The following KIF26B variants were observed in gnomAD, a reference collection of about 807,000 sequenced individuals.
The protein encoded by KIF26B is kinesin-like protein KIF26B.
KIF26B carries 63 observed loss-of-function variants against 151.2 expected under a neutral mutation model. That is an observed-to-expected ratio of 0.42 (90% CI 0.34 to 0.51). KIF26B has a LOEUF of 0.51. Ranked by LOEUF, KIF26B falls within the 20% of genes least tolerant of loss-of-function variation. KIF26B has a pLI of 0.07. For missense variants in KIF26B, 2,813 were observed against 2,913.6 expected (o/e 0.97, Z 0.79); for synonymous variants, 1,357 against 1,262.1 (o/e 1.08, Z -1.59).
chr1:245,232,620 A>G (rs982602159), intron 2 of KIF26B, among the ~76,000 whole-genome samples: 4 of 147,166 alleles, frequency 2.7e-5, no homozygotes, highest in African/African-American at 1.0e-4. Flanking sequence ...GTGCGATCTC[A>G]GCTCACCGCA....
intron 2 of KIF26B, among the ~76,000 whole-genome samples, chr1:245,181,433 C>G (rs1668904756): frequency 6.6e-6 from 1 of 151,064 alleles, no homozygotes; most frequent in Non-Finnish European, 1.5e-5. Flanking sequence ...GCCAATGCCT[C>G]TTGATCTCAT....
intron 14 of KIF26B, 107 bp downstream of exon 14, chr1:245,699,144 A>T: frequency 8.3e-7 from 1 of 1,206,300 alleles, no homozygotes; most frequent in South Asian, 1.4e-5. Context: ...CCTCGTCCTC[A>T]GTCACAGGAT....
At chr1:245,558,963 A>G (rs1662102170) in intron 5 of KIF26B, among the ~76,000 whole-genome samples, 1 of 152,338 alleles carries the variant, frequency 6.6e-6, no homozygotes, top group South Asian at 2.1e-4. Flanking sequence ...CTTGTCAGTT[A>G]TGTAAGAAAA....
chr1:245,163,175 T>G (rs1331035350), intron 2 of KIF26B, among the ~76,000 whole-genome samples: 2 of 152,182 alleles, frequency 1.3e-5, no homozygotes, highest in Non-Finnish European at 2.9e-5. Flanking sequence ...ATGTTCTCAC[T>G]CTGTTGTCCA....
intron 2 of KIF26B, among the ~76,000 whole-genome samples, chr1:245,173,463 T>TGAG (rs1668747944): frequency 6.6e-6 from 1 of 152,120 alleles, no homozygotes; most frequent in African/African-American, 2.4e-5. Flanking sequence ...TGACGGCTCA[T>TGAG]GAGGGTAATC....
chr1:245,333,654 A>T (rs908408623), intron 2 of KIF26B, among the ~76,000 whole-genome samples: 1 of 152,092 alleles, frequency 6.6e-6, no homozygotes, highest in African/African-American at 2.4e-5. Flanking sequence ...GTAACTCTCC[A>T]TTTTTTATCT....
intron 3 of KIF26B, among the ~76,000 whole-genome samples, chr1:245,398,545 A>G (rs1572042080): frequency 6.6e-6 from 1 of 152,012 alleles, no homozygotes; most frequent in East Asian, 1.9e-4. Context: ...TCTATGGGGA[A>G]GTCAAGCAGA....
intron 3 of KIF26B, among the ~76,000 whole-genome samples, chr1:245,381,374 T>C (rs1217253450): frequency 6.6e-6 from 1 of 152,178 alleles, no homozygotes. Context: ...AAGTGTACAG[T>C]TCATCAAGCT....
intron 2 of KIF26B, among the ~76,000 whole-genome samples, chr1:245,324,963 C>T (rs1238129251): frequency 1.3e-5 from 2 of 151,758 alleles, no homozygotes; most frequent in African/African-American, 4.8e-5. Context: ...GGTGTGGTGG[C>T]ATGCACCTGT....
chr1:245,607,047 C>T (rs927971813), intron 6 of KIF26B, among the ~76,000 whole-genome samples: 6 of 115,754 alleles, frequency 5.2e-5, no homozygotes, highest in East Asian at 2.6e-4. Flanking sequence ...GCCTGGGCAA[C>T]GAGACTGAAA....
At chr1:245,303,832 T>C (rs2102978996) in intron 2 of KIF26B, among the ~76,000 whole-genome samples, 1 of 152,346 alleles carries the variant, frequency 6.6e-6, no homozygotes, top group African/African-American at 2.4e-5. Flanking sequence ...ACACAATTAT[T>C]ACTGGCTCTT....
chr1:245,539,727 A>T (rs1017451049), intron 4 of KIF26B, among the ~76,000 whole-genome samples: 3 of 152,188 alleles, frequency 2.0e-5, no homozygotes, highest in African/African-American at 7.2e-5. Context: ...ATCTGGGCTC[A>T]CTGCAACCTC....
At chr1:245,482,288 C>T (rs1394532021) in intron 4 of KIF26B, among the ~76,000 whole-genome samples, 1 of 151,340 alleles carries the variant, frequency 6.6e-6, no homozygotes, top group Non-Finnish European at 1.5e-5. Flanking sequence ...CGGGGTTTCA[C>T]CATATTGTCC....
chr1:245,633,276 G>A (rs2043800670), intron 9 of KIF26B, among the ~76,000 whole-genome samples: 1 of 132,208 alleles, frequency 7.6e-6, no homozygotes, highest in Non-Finnish European at 1.7e-5. Flanking sequence ...GCATACAGTT[G>A]GGTCTTTTTT....
intron 4 of KIF26B, among the ~76,000 whole-genome samples, chr1:245,501,755 A>G (rs191457626): frequency 1.3e-5 from 2 of 152,332 alleles, no homozygotes; most frequent in African/African-American, 4.8e-5. Flanking sequence ...AGCAGTCTGA[A>G]ATAATTCTAT....
intron 5 of KIF26B, among the ~76,000 whole-genome samples, chr1:245,562,318 G>A (rs2042964451): frequency 6.6e-6 from 1 of 152,018 alleles, no homozygotes; most frequent in Non-Finnish European, 1.5e-5. Context: ...TAACCTAGTG[G>A]CCCAAATCGC....
In KIF26B at chr1:245,249,367, G is replaced by A. The variant is rs146303904; in HGVS notation, c.465+92684G>A. ...GCCCGCCTTGGCTTCCCAAAGTGCT[G>A]GGATTACAAGTGTGAGGCACCGCGC... On this transcript the variant is annotated intron_variant, in intron 2 of 14. Transcript: ENST00000407071. 3.2e-3 allele frequency among the ~76,000 whole-genome samples: 485 copies of A among 152,226 alleles called. 3 individuals carry two copies. Among genetic ancestry groups the A allele is most frequent in the African/African-American group, 0.011 (466 of 41,530 alleles).
intron 5 of KIF26B, among the ~76,000 whole-genome samples, chr1:245,567,549 T>C (rs2043021492): frequency 6.6e-6 from 1 of 152,034 alleles, no homozygotes; most frequent in Non-Finnish European, 1.5e-5. Context: ...CCATCAAATG[T>C]TGGCATTTTA....
intron 4 of KIF26B, among the ~76,000 whole-genome samples, chr1:245,421,422 G>A (rs1356944216): frequency 6.6e-6 from 1 of 152,116 alleles, no homozygotes; most frequent in African/African-American, 2.4e-5. Context: ...TAAATAACGA[G>A]GGAGGAGACG....
Sources: gnomAD v4.1 joint callset for allele counts (sites outside exome capture counted in the v4.1 genomes callset) on GRCh38, gnomAD v4.1.1 for gene constraint, MANE v1.5 for transcripts, NCBI Gene and HGNC (gene_info 2026-07-23, HGNC 2026-07-21) for gene names.